The following UBE3D variants were observed in gnomAD, a reference collection of about 807,000 sequenced individuals.
The protein encoded by UBE3D is E3 ubiquitin-protein ligase E3D.
A neutral mutation model predicts 49.6 loss-of-function variants in UBE3D; 48 were observed. The ratio of observed to expected loss-of-function variants is 0.97; its 90% CI spans 0.77 to 1.23. The LOEUF is 1.23. Among genes scored for constraint, UBE3D ranks in the 50% most tolerant of loss-of-function variants. The probability of loss-of-function intolerance (pLI) is 0.00; values close to 1 mark genes in which losing one functional copy is unlikely to be tolerated. For missense variants in UBE3D, 452 were observed against 468.4 expected, an observed-to-expected ratio of 0.96 and a Z score of 0.32; for synonymous variants, 189 against 174.2, an observed-to-expected ratio of 1.08 and a Z score of -0.67.
intron 8 of UBE3D, among the ~76,000 whole-genome samples, chr6:83,006,418 C>G (rs1248228439): frequency 1.3e-5 from 2 of 152,032 alleles, no homozygotes; most frequent in Non-Finnish European, 2.9e-5. Flanking sequence ...TAAATGAGGT[C>G]ATAAAGATGG....
chr6:82,903,293 A>AT (rs929389112), intron 9 of UBE3D, among the ~76,000 whole-genome samples: 2 of 152,010 alleles, frequency 1.3e-5, no homozygotes, highest in African/African-American at 2.4e-5. Context: ...CTAGCACCCC[A>AT]TTTTTTTGAG....
chr6:82,947,016 A>G (rs1427818569), intron 9 of UBE3D, among the ~76,000 whole-genome samples: 3 of 152,042 alleles, frequency 2.0e-5, no homozygotes, highest in Non-Finnish European at 4.4e-5. Context: ...CAAAACAACC[A>G]GGAAACAAAT....
chr6:83,041,327 T>C (rs914223633), intron 4 of UBE3D, among the ~76,000 whole-genome samples: 4 of 152,236 alleles, frequency 2.6e-5, no homozygotes, highest in Admixed American at 1.3e-4. Context: ...CAGACATGGG[T>C]AATCAGGATT....
At chr6:82,923,934 T>C (rs1773549285) in intron 9 of UBE3D, among the ~76,000 whole-genome samples, 1 of 152,040 alleles carries the variant, frequency 6.6e-6, no homozygotes, top group Non-Finnish European at 1.5e-5. Flanking sequence ...TGGAAAAGCC[T>C]AGAGTCAAAA....
chr6:83,026,590 T>TTA, intron 5 of UBE3D, among the ~76,000 whole-genome samples: 1 of 152,268 alleles, frequency 6.6e-6, no homozygotes, highest in East Asian at 1.9e-4. Context: ...CATGACAGAT[T>TTA]TACCCATTTA....
At chr6:82,903,415 A>C (rs1365438325) in intron 9 of UBE3D, among the ~76,000 whole-genome samples, 1 of 152,186 alleles carries the variant, frequency 6.6e-6, no homozygotes, top group Non-Finnish European at 1.5e-5. Flanking sequence ...AGAGGAGAAA[A>C]CTTTGGCAGA....
intron 9 of UBE3D, among the ~76,000 whole-genome samples, chr6:82,942,377 A>G (rs1324637438): frequency 6.6e-6 from 1 of 152,254 alleles, no homozygotes; most frequent in Admixed American, 6.5e-5. Context: ...ACAAAAACCC[A>G]TATTCTGGGA....
intron 5 of UBE3D, among the ~76,000 whole-genome samples, chr6:83,029,221 A>C (rs997147742): frequency 6.6e-6 from 1 of 152,054 alleles, no homozygotes; most frequent in African/African-American, 2.4e-5. Flanking sequence ...ATTTCTCTTC[A>C]TTATTTGAGA....
At chr6:82,894,809 C>T (rs568325070) in intron 9 of UBE3D, among the ~76,000 whole-genome samples, 2 of 152,216 alleles carry the variant, frequency 1.3e-5, no homozygotes, top group Admixed American at 6.5e-5. Flanking sequence ...CCCTGGCAGG[C>T]GACATTCTGC....
intron 9 of UBE3D, among the ~76,000 whole-genome samples, chr6:82,936,574 C>T (rs191425678): frequency 6.6e-6 from 1 of 152,078 alleles, no homozygotes; most frequent in South Asian, 2.1e-4. Flanking sequence ...CATTATTCTG[C>T]CAATTTAGTC....
At chr6:82,949,689 G>A (rs1162157383) in intron 9 of UBE3D, among the ~76,000 whole-genome samples, 4 of 152,040 alleles carry the variant, frequency 2.6e-5, no homozygotes, top group Admixed American at 2.6e-4. Context: ...GAATATAATA[G>A]AGAACCCAGA....
chr6:82,975,384 AT>A (rs1256759068), intron 8 of UBE3D, among the ~76,000 whole-genome samples: 1 of 152,120 alleles, frequency 6.6e-6, no homozygotes, highest in Non-Finnish European at 1.5e-5. Flanking sequence ...GCAAACTTAA[AT>A]TTTCTAGCCA....
At chr6:82,974,345 T>C (rs1485571126) in intron 8 of UBE3D, among the ~76,000 whole-genome samples, 1 of 152,092 alleles carries the variant, frequency 6.6e-6, no homozygotes, top group African/African-American at 2.4e-5. Context: ...CCATAGGGGA[T>C]TGGTTCCAGG....
At chr6:82,996,652 C>T (rs772950187) in intron 8 of UBE3D, among the ~76,000 whole-genome samples, 72 of 152,066 alleles carry the variant, frequency 4.7e-4, no homozygotes, top group Non-Finnish European at 7.9e-4. Context: ...ACTAACATTG[C>T]CGGTGATGGA....
intron 1 of UBE3D, among the ~76,000 whole-genome samples, chr6:83,064,746 T>A (rs1035281381): frequency 6.6e-6 from 1 of 152,226 alleles, no homozygotes; most frequent in African/African-American, 2.4e-5. Context: ...CATTTCAAGA[T>A]TGAAGAAATT....
chr6:83,015,085 C>T (rs535845928), intron 8 of UBE3D, among the ~76,000 whole-genome samples: 7 of 152,248 alleles, frequency 4.6e-5, no homozygotes, highest in Middle Eastern at 3.4e-3. Flanking sequence ...ACTGCCACCT[C>T]GGGATACAAT....
chr6:83,028,224 A>G (rs569486789), intron 5 of UBE3D, among the ~76,000 whole-genome samples: 3 of 152,314 alleles, frequency 2.0e-5, no homozygotes, highest in Non-Finnish European at 4.4e-5. Context: ...CACAATTCCA[A>G]TAAGAAGTCT....
intron 8 of UBE3D, among the ~76,000 whole-genome samples, chr6:82,967,508 C>T (rs1220236982): frequency 6.6e-6 from 1 of 152,192 alleles, no homozygotes; most frequent in Non-Finnish European, 1.5e-5. Context: ...AACCACTAAT[C>T]TGTTCTTCAT....
the UBE3D span, among the ~76,000 whole-genome samples, chr6:82,884,561 G>C: frequency 2.0e-5 from 3 of 152,034 alleles, no homozygotes; most frequent in Non-Finnish European, 4.4e-5. Context: ...CCTATGTTTG[G>C]CTCCATACAC....
Sources: gnomAD v4.1 joint callset for allele counts (sites outside exome capture counted in the v4.1 genomes callset) on GRCh38, gnomAD v4.1.1 for gene constraint, MANE v1.5 for transcripts, NCBI Gene and HGNC (gene_info 2026-07-23, HGNC 2026-07-21) for gene names.